Variants in MRPL21 observed in about 807,000 individuals in gnomAD.
MRPL21 encodes the protein mitochondrial ribosomal protein L21.
MRPL21 carries 20 observed loss-of-function variants against 27.3 expected under a neutral mutation model. The ratio of observed to expected loss-of-function variants is 0.73; its 90% CI spans 0.52 to 1.06. The LOEUF (loss-of-function observed/expected upper bound fraction) is 1.06. MRPL21 is among the 50% of genes least tolerant of loss of function. The pLI is 0.00. For synonymous variants in MRPL21, 98 were observed against 101.5 expected (o/e 0.97, Z 0.21); for missense variants, 249 against 251.4 (o/e 0.99, Z 0.06).
In MRPL21 at chr11:68,903,757, G is replaced by C. The variant is rs749609896; in HGVS notation, c.54C>G (p.Ser18Arg). Reference sequence around the variant, plus strand: ...GCCCCGAAGGTCTCAGGATGCTGTGGCTGCACGCGGACGCCAGCCGCCCTA... The same window carrying C: ...GCCCCGAAGGTCTCAGGATGCTGTGCCTGCACGCGGACGCCAGCCGCCCTA... The part of the protein sequence containing the change: ...VTLGRLASAC[S>R]HSILRPSGPG... Residue 18 changes from serine (S) to arginine (R), a missense_variant, in exon 1 of 7, where the codon AGC becomes AGG. Transcript: ENST00000362034. 1.2e-6 allele frequency: 2 copies of C among 1,613,170 alleles called. No individual in the cohort carries two copies. The highest frequency in any genetic ancestry group is 1.7e-6 in the Non-Finnish European group (2 of 1,180,032).
chr11:68,894,701 C>T (rs753767525), intron 4 of MRPL21, among the ~76,000 whole-genome samples: 7 of 152,140 alleles, frequency 4.6e-5, no homozygotes, highest in African/African-American at 1.4e-4. Context: ...TCAGCGGACA[C>T]GCATGTTAGA....
chr11:68,902,708 A>G (rs1566419576), intron 1 of MRPL21, among the ~76,000 whole-genome samples: 1 of 152,228 alleles, frequency 6.6e-6, no homozygotes, highest in Non-Finnish European at 1.5e-5. Context: ...TGTACATTCT[A>G]TGGATTTGGA....
intron 1 of MRPL21, among the ~76,000 whole-genome samples, chr11:68,902,234 T>C (rs958666777): frequency 6.6e-6 from 1 of 152,226 alleles, no homozygotes; most frequent in Non-Finnish European, 1.5e-5. Flanking sequence ...GAGTCTGTAC[T>C]TGAACATAGC....
chr11:68,900,547 C>T lies in MRPL21; in HGVS notation c.146+1G>A. 1.9e-6 allele frequency: 3 copies of T among 1,613,594 alleles called. No individual in the cohort carries two copies. Among genetic ancestry groups the T allele is most frequent in the Non-Finnish European group, 2.5e-6 (3 of 1,179,594 alleles). ...CACCAAAACCCACATTTTGATATTA[C>T]CCTGGTAGATATGAAGTGCTCTGTG... On this transcript the variant is annotated splice_donor_variant, in intron 2 of 6. Transcript: ENST00000362034. LOFTEE classifies it high-confidence loss of function.
At chr11:68,898,080 T>G in intron 2 of MRPL21, 68 bp from the exon 3 acceptor site, 1 of 1,263,078 alleles carries the variant, frequency 7.9e-7, no homozygotes, top group South Asian at 1.2e-5. Flanking sequence ...CTCTAAGAAA[T>G]GGCCACACAC....
chr11:68,896,004 T>A (rs555530405), intron 4 of MRPL21, among the ~76,000 whole-genome samples: 1 of 152,296 alleles, frequency 6.6e-6, no homozygotes, highest in South Asian at 2.1e-4. Context: ...GAATGGTCGG[T>A]GAGGTAAATT....
intron 3 of MRPL21, among the ~76,000 whole-genome samples, chr11:68,897,128 G>A (rs901433905): frequency 6.6e-6 from 1 of 152,034 alleles, no homozygotes; most frequent in Admixed American, 6.5e-5. Flanking sequence ...GGAGCCCCCC[G>A]TATCCCAACC....
At chr11:68,893,310 G>A in intron 5 of MRPL21, 93 bp downstream of exon 5, 1 of 1,585,026 alleles carries the variant, frequency 6.3e-7, no homozygotes, top group South Asian at 1.1e-5. Context: ...GAATATGAAT[G>A]CAACTCCCCA....
At chr11:68,899,007 C>T (rs547905376) in intron 2 of MRPL21, among the ~76,000 whole-genome samples, 18 of 152,230 alleles carry the variant, frequency 1.2e-4, no homozygotes, top group African/African-American at 3.4e-4. Context: ...AGGCTGGTCT[C>T]GAACTCCTGG....
chr11:68,898,042 A>C, intron 2 of MRPL21, 30 bp from the exon 3 acceptor site: 1 of 1,563,532 alleles, frequency 6.4e-7, no homozygotes. Flanking sequence ...GACAAATGTC[A>C]CAAGCACCTG....
intron 4 of MRPL21, 98 bp from the exon 5 acceptor site, chr11:68,893,553 G>A (rs1857706373): frequency 7.0e-7 from 1 of 1,426,150 alleles, no homozygotes; most frequent in Non-Finnish European, 9.8e-7. Context: ...CACAAAATGA[G>A]AAAGACTGAA....
At chr11:68,892,020 G>C (rs660614) in intron 6 of MRPL21, 7 of 1,024,194 alleles carry the variant, frequency 6.8e-6, no homozygotes, top group Non-Finnish European at 8.9e-6. Flanking sequence ...AGTGCTAGGC[G>C]TCATGGGTTG....
intron 4 of MRPL21, 83 bp downstream of exon 4, chr11:68,896,432 C>A (rs1427591738): frequency 6.5e-7 from 1 of 1,529,960 alleles, no homozygotes; most frequent in Non-Finnish European, 9.0e-7. Context: ...GGCGAGGGTC[C>A]CTCCTCCGTG....
At chr11:68,903,364 TG>T (rs1253414894) in intron 1 of MRPL21, among the ~76,000 whole-genome samples, 1 of 152,260 alleles carries the variant, frequency 6.6e-6, no homozygotes, top group South Asian at 2.1e-4. Flanking sequence ...GCTCGCAGCC[TG>T]GGGGCAGTGG....
At position 68,900,577 on chromosome 11, in the gene MRPL21, G is replaced by T; in HGVS notation, c.117C>A (p.Phe39Leu). The change falls in exon 2 of 7, where the codon TTC becomes TTA. Residue 39 changes from phenylalanine (F) to leucine (L), a missense_variant. Transcript: ENST00000362034. Reference protein sequence around the residue: ...AASLWSASRRFNSQSTSYLPG... With the variant: ...AASLWSASRRLNSQSTSYLPG... ...GTAGATATGAAGTGCTCTGTGAATT[G>T]AACCTTCGAGAAGCAGACCAAAGGG... 6.2e-7 allele frequency: 1 copy of T among 1,613,900 alleles called. No homozygotes were observed. Among genetic ancestry groups the T allele is most frequent in the Non-Finnish European group, 8.5e-7 (1 of 1,179,826 alleles).
chr11:68,892,724 C>G, intron 6 of MRPL21, 166 bp downstream of exon 6: 1 of 1,534,414 alleles, frequency 6.5e-7, no homozygotes, highest in Non-Finnish European at 8.7e-7. Flanking sequence ...GCTGGACCCT[C>G]TGGGTGCTCC....
At chr11:68,898,193 A>G (rs1327707832) in intron 2 of MRPL21, among the ~76,000 whole-genome samples, 181 bp from the exon 3 acceptor site, 1 of 152,170 alleles carries the variant, frequency 6.6e-6, no homozygotes, top group Non-Finnish European at 1.5e-5. Context: ...TCCTTTTAGA[A>G]CCACAGGGAA....
chr11:68,900,959 C>T (rs1480708407), intron 1 of MRPL21, among the ~76,000 whole-genome samples: 1 of 152,198 alleles, frequency 6.6e-6, no homozygotes, highest in Non-Finnish European at 1.5e-5. Flanking sequence ...GCTATTCTTA[C>T]CCCTGTTAGC....
At chr11:68,898,125 T>C in intron 2 of MRPL21, 113 bp from the exon 3 acceptor site, 1 of 866,146 alleles carries the variant, frequency 1.2e-6, no homozygotes, top group Admixed American at 2.0e-5. Context: ...AACAAAAGGC[T>C]CGCTCTTTCG....
Sources: allele counts gnomAD v4.1 joint callset (sites outside exome capture counted in the v4.1 genomes callset), GRCh38; gene constraint gnomAD v4.1.1; transcripts MANE v1.5; gene names NCBI Gene and HGNC (gene_info 2026-07-23, HGNC 2026-07-21).